CHD2: variants seen among roughly 807,000 people sequenced by gnomAD.
The protein encoded by CHD2 is chromodomain helicase DNA binding protein 2.
Under a neutral mutation model 243.9 loss-of-function variants are expected in CHD2, and 28 were observed. The observed-to-expected ratio is 0.11, with a 90% CI of 0.09 to 0.16. CHD2 has a LOEUF of 0.16. Ranked by LOEUF, CHD2 falls within the 10% of genes least tolerant of loss-of-function variation. The pLI, the probability that CHD2 is intolerant of heterozygous loss-of-function variation, is 1.00. For synonymous variants in CHD2, 775 were observed against 779.0 expected, an observed-to-expected ratio of 0.99 and a Z score of 0.09; for missense variants, 1,386 against 2,209.8, an observed-to-expected ratio of 0.63 and a Z score of 7.47.
intron 38 of CHD2, among the ~76,000 whole-genome samples, chr15:93,023,774 C>T (rs1275885458): frequency 6.6e-6 from 1 of 151,354 alleles, no homozygotes. Context: ...TGACATGGAG[C>T]ATCTTCTCAT....
At chr15:92,985,835 C>T (rs1364133287) in intron 26 of CHD2, among the ~76,000 whole-genome samples, 162 bp downstream of exon 26, 1 of 152,150 alleles carries the variant, frequency 6.6e-6, no homozygotes, top group Non-Finnish European at 1.5e-5. Flanking sequence ...ATGATCCTTC[C>T]TTCTCCAAGG....
chr15:93,006,459 G>A (rs1403683987), intron 34 of CHD2, among the ~76,000 whole-genome samples: 3 of 152,070 alleles, frequency 2.0e-5, no homozygotes, highest in African/African-American at 7.2e-5. Context: ...ACGTAACCAT[G>A]ATTCTGAATT....
chr15:92,968,901 ATAG>A (rs1452090226), intron 17 of CHD2, among the ~76,000 whole-genome samples: 2 of 152,216 alleles, frequency 1.3e-5, no homozygotes, highest in African/African-American at 4.8e-5. Flanking sequence ...CATAACCGTA[ATAG>A]TAGTTGATAG....
At chr15:93,022,664 T>A (rs1395546427) in intron 38 of CHD2, among the ~76,000 whole-genome samples, 1 of 152,230 alleles carries the variant, frequency 6.6e-6, no homozygotes, top group Non-Finnish European at 1.5e-5. Flanking sequence ...ATCTTCAAAC[T>A]TCTTTCTCTG....
In CHD2 at chr15:92,941,873, G is replaced by A; in HGVS notation, c.744G>A (p.Met248Ile). ...FETDSDDLIE[M>I]TGEGVDEQQD... ...CTGACTCAGATGATCTCATTGAAATGACTGGAGAAGGAGTTGATGAACAGC... is the reference window on the plus strand; with the variant it reads ...CTGACTCAGATGATCTCATTGAAATAACTGGAGAAGGAGTTGATGAACAGC... The change falls in exon 8 of 39, where the codon ATG (methionine) becomes ATA (isoleucine). Residue 248 changes from methionine to isoleucine, a missense_variant. Met to Ile is a conservative substitution (Grantham distance 10). Transcript: ENST00000394196. 3.7e-6 allele frequency: 6 copies of A among 1,613,298 alleles called. No homozygotes were observed. The highest frequency in any genetic ancestry group is 5.1e-6 in the Non-Finnish European group (6 of 1,179,436).
chr15:93,010,788 G>A (rs180874396), intron 35 of CHD2, among the ~76,000 whole-genome samples: 15 of 152,180 alleles, frequency 9.9e-5, no homozygotes, highest in Admixed American at 2.6e-4. Context: ...CAGTTACTTC[G>A]TTTTTATTTT....
At chr15:92,939,781 G>T in intron 7 of CHD2, 63 bp downstream of exon 7, 1 of 1,550,074 alleles carries the variant, frequency 6.5e-7, no homozygotes, top group Non-Finnish European at 8.7e-7. Context: ...TTAGATTTTG[G>T]TTCTCATAAG....
intron 2 of CHD2, among the ~76,000 whole-genome samples, chr15:92,918,763 AAT>A (rs745513600): frequency 2.0e-5 from 3 of 151,682 alleles, no homozygotes; most frequent in East Asian, 3.9e-4. Flanking sequence ...GAATAATATG[AAT>A]ATATATATAC....
chr15:93,008,937 A>G (rs1292295668), intron 34 of CHD2, among the ~76,000 whole-genome samples: 4 of 152,128 alleles, frequency 2.6e-5, no homozygotes, highest in Non-Finnish European at 4.4e-5. Flanking sequence ...GTTATCACAT[A>G]ACTCTAAGCG....
intron 26 of CHD2, among the ~76,000 whole-genome samples, chr15:92,989,688 A>G (rs1381340784): frequency 6.6e-6 from 1 of 152,310 alleles, no homozygotes; most frequent in East Asian, 1.9e-4. Context: ...AAGGCAATTG[A>G]CAACTCTGCC....
At chr15:92,940,094 C>T (rs1452971953) in intron 7 of CHD2, among the ~76,000 whole-genome samples, 3 of 152,142 alleles carry the variant, frequency 2.0e-5, no homozygotes, top group African/African-American at 4.8e-5. Context: ...TTCAGCTTAA[C>T]GTATTGCTAC....
chr15:92,982,878 G>T (rs191264313), intron 24 of CHD2, among the ~76,000 whole-genome samples: 318 of 152,240 alleles, frequency 2.1e-3, no homozygotes, highest in African/African-American at 6.5e-3. Flanking sequence ...CGTCATAGTC[G>T]GTTTGGGCTC....
chr15:92,919,081 C>T (rs1169961549), intron 2 of CHD2, among the ~76,000 whole-genome samples: 1 of 151,928 alleles, frequency 6.6e-6, no homozygotes, highest in Non-Finnish European at 1.5e-5. Flanking sequence ...GTCTTGAACT[C>T]CTGACCTCAG....
intron 2 of CHD2, among the ~76,000 whole-genome samples, chr15:92,908,248 A>G (rs866099552): frequency 6.6e-6 from 1 of 151,956 alleles, no homozygotes; most frequent in Non-Finnish European, 1.5e-5. Flanking sequence ...TGCTCCATGG[A>G]TATAAATGTA....
At position 92,971,898 on chromosome 15, in the gene CHD2, G is replaced by A; in HGVS notation, c.2323G>A (p.Glu775Lys). 1.2e-6 allele frequency: 2 copies of A among 1,612,534 alleles called. No individual in the cohort carries two copies. Among genetic ancestry groups the A allele is most frequent in the Non-Finnish European group, 1.7e-6 (2 of 1,179,516 alleles). The change falls in exon 18 of 39, where the codon GAA (glutamate) becomes AAA (lysine). Residue 775 changes from glutamate (E) to lysine (K), a missense_variant. Glu to Lys is a moderately conservative substitution (Grantham distance 56). Coordinates refer to ENST00000394196, the MANE Select transcript of CHD2 (RefSeq NM_001271.4). Reference sequence around the variant, plus strand: ...TCTGATTAAACCCCCTGAAGAAAATGAAAGGGAAAATGGACAGGAGATTCT... The same window carrying A: ...TCTGATTAAACCCCCTGAAGAAAATAAAAGGGAAAATGGACAGGAGATTCT... ...CYLIKPPEEN[E>K]RENGQEILLS...
chr15:92,973,859 C>G (rs923350845), intron 19 of CHD2: 3 of 152,186 alleles, frequency 2.0e-5, no homozygotes, highest in Admixed American at 6.5e-5. Context: ...TTTCTGATTT[C>G]AAGTAAAGGC....
intron 37 of CHD2, among the ~76,000 whole-genome samples, chr15:93,019,290 A>G (rs548474354): frequency 2.0e-5 from 3 of 152,348 alleles, no homozygotes; most frequent in Admixed American, 2.0e-4. Context: ...TATTACTCGC[A>G]GCTGTGAAAC....
chr15:92,905,067 ATAGAAAAT>A (rs2052594960), intron 2 of CHD2: 4 of 1,430,466 alleles, frequency 2.8e-6, no homozygotes, highest in Non-Finnish European at 3.8e-6. Context: ...TTAGTAGAAA[ATAGAAAAT>A]TTCACGTTCA....
chr15:93,020,118 G>A lies in CHD2; in HGVS notation c.5013G>A (p.Lys1671=). Residue 1671 remains lysine (K), a synonymous_variant, in exon 38 of 39, where the codon AAG becomes AAA. Coordinates refer to ENST00000394196, the MANE Select transcript of CHD2 (RefSeq NM_001271.4). ...RHHQYEQHWY[K]DHHYGDRRHM... ...ATCAGTATGAGCAGCACTGGTACAA[G>A]GACCACCATTATGGGGACCGGCGAC... is the stretch of plus-strand genomic sequence containing the variant. 6.2e-7 allele frequency: 1 copy of A among 1,614,132 alleles called. No individual in the cohort carries two copies. The highest frequency in any genetic ancestry group is 1.1e-5 in the South Asian group (1 of 91,074).
Sources: gnomAD v4.1 joint callset for allele counts (sites outside exome capture counted in the v4.1 genomes callset) on GRCh38, gnomAD v4.1.1 for gene constraint, MANE v1.5 for transcripts, NCBI Gene and HGNC (gene_info 2026-07-23, HGNC 2026-07-21) for gene names.